AUTS2: variants seen among roughly 807,000 people sequenced by gnomAD.
AUTS2 encodes activator of transcription and developmental regulator AUTS2.
A neutral mutation model predicts 112.4 loss-of-function variants in AUTS2; 17 were observed. The ratio of observed to expected loss-of-function variants is 0.15; its 90% confidence interval spans 0.10 to 0.23. The LOEUF (loss-of-function observed/expected upper bound fraction) is 0.23. Ranked by LOEUF, AUTS2 falls within the 10% of genes least tolerant of loss-of-function variation. The pLI is 1.00. For missense variants in AUTS2, 1,510 were observed against 1,701.6 expected, an observed-to-expected ratio of 0.89 and a Z score of 1.98; for synonymous variants, 751 against 702.7, an observed-to-expected ratio of 1.07 and a Z score of -1.09.
intron 1 of AUTS2, among the ~76,000 whole-genome samples, chr7:69,603,997 A>C (rs1398376474): frequency 2.0e-5 from 3 of 152,116 alleles, no homozygotes; most frequent in Non-Finnish European, 4.4e-5. Context: ...TCTTTTGTGC[A>C]CTGGGTTCTT....
intron 5 of AUTS2, among the ~76,000 whole-genome samples, chr7:70,517,921 A>G (rs1013788170): frequency 6.6e-6 from 1 of 152,228 alleles, no homozygotes; most frequent in Non-Finnish European, 1.5e-5. Context: ...CAATCCAGAA[A>G]AATACATAAA....
intron 10 of AUTS2, chr7:70,771,341 C>CTGAT: frequency 2.5e-6 from 1 of 394,492 alleles, no homozygotes; most frequent in Non-Finnish European, 4.5e-6. Flanking sequence ...CATTTGCTGG[C>CTGAT]TGATTGATCC....
chr7:70,396,744 G>A (rs747615171), intron 4 of AUTS2, among the ~76,000 whole-genome samples: 4 of 152,112 alleles, frequency 2.6e-5, no homozygotes, highest in Non-Finnish European at 4.4e-5. Context: ...AGTAGTGTAT[G>A]GATATACCAT....
chr7:70,492,620 A>G (rs1798295073), intron 5 of AUTS2, among the ~76,000 whole-genome samples: 3 of 152,234 alleles, frequency 2.0e-5, no homozygotes, highest in African/African-American at 7.2e-5. Flanking sequence ...GCTCAAGGTC[A>G]TGCAGCTACC....
intron 5 of AUTS2, among the ~76,000 whole-genome samples, chr7:70,698,044 T>C (rs1487181815): frequency 6.6e-6 from 1 of 152,146 alleles, no homozygotes. Context: ...CCAAGGTCGT[T>C]TGGTTACTGC....
Position 69,693,626 on chromosome 7 carries a change from A to G in AUTS2, c.309+93664A>G, listed in dbSNP as rs185427718. On this transcript the variant is annotated intron_variant, in intron 1 of 18. Transcript: ENST00000342771. ...GGGATTTGTGTTTCATAGAACTGGTAGTATTGGAGGTAGAGGAGATACTGT... is the reference window on the plus strand; with the variant it reads ...GGGATTTGTGTTTCATAGAACTGGTGGTATTGGAGGTAGAGGAGATACTGT... Among the ~76,000 whole-genome samples the G allele has an allele frequency of 1.1e-3, 170 of 152,228 alleles. 1 individual carries two copies. Among genetic ancestry groups the G allele is most frequent in the African/African-American group, 3.9e-3 (161 of 41,538 alleles).
intron 6 of AUTS2, among the ~76,000 whole-genome samples, chr7:70,736,631 T>C (rs1787796366): frequency 6.6e-6 from 1 of 152,214 alleles, no homozygotes; most frequent in South Asian, 2.1e-4. Flanking sequence ...GAGGGATTTC[T>C]TCTGATAGAT....
chr7:69,859,391 A>G (rs1393481207), intron 1 of AUTS2, among the ~76,000 whole-genome samples: 1 of 152,228 alleles, frequency 6.6e-6, no homozygotes, highest in Non-Finnish European at 1.5e-5. Context: ...GTTTTGCAGG[A>G]TAATTTTCTT....
intron 2 of AUTS2, among the ~76,000 whole-genome samples, chr7:70,029,673 T>A (rs1800688364): frequency 6.6e-6 from 1 of 152,178 alleles, no homozygotes; most frequent in Non-Finnish European, 1.5e-5. Flanking sequence ...TACTCAAGTA[T>A]AGTAAGTATA....
rs913115185 is a variant in AUTS2, at chr7:70,579,411, TTTTTTC to T, written c.691-119155_691-119150del. 3.9e-4 allele frequency among the ~76,000 whole-genome samples: 59 copies of T among 152,058 alleles called. 1 individual carries two copies. The highest frequency in any genetic ancestry group is 1.4e-3 in the African/African-American group (59 of 41,412). ...ATGAACAGTTTGGCTCTTAAGGACT[TTTTTTC>T]TTGAGACAATGGGATTCTTTTTTCT... On this transcript the variant is annotated intron_variant, in intron 5 of 18. Coordinates refer to ENST00000342771, the MANE Select transcript of AUTS2 (RefSeq NM_015570.4).
chr7:69,929,203 C>A (rs1028626448), intron 2 of AUTS2, among the ~76,000 whole-genome samples: 8 of 151,956 alleles, frequency 5.3e-5, no homozygotes, highest in African/African-American at 1.9e-4. Context: ...CTACTGTTTT[C>A]TCTTAGTGTT....
At chr7:70,488,641 C>T (rs949542213) in intron 5 of AUTS2, among the ~76,000 whole-genome samples, 4 of 152,120 alleles carry the variant, frequency 2.6e-5, no homozygotes, top group African/African-American at 4.8e-5. Context: ...TCTCACTTTT[C>T]CTCATGGGCC....
chr7:69,600,034 C>T, intron 1 of AUTS2, 72 bp downstream of exon 1: 2 of 1,497,810 alleles, frequency 1.3e-6, no homozygotes, highest in Non-Finnish European at 9.2e-7. Context: ...GCTCTCCTGC[C>T]TCCCTCGCCG....
intron 1 of AUTS2, among the ~76,000 whole-genome samples, chr7:69,637,112 G>A (rs1794585634): frequency 6.6e-6 from 1 of 152,154 alleles, no homozygotes; most frequent in Non-Finnish European, 1.5e-5. Context: ...TTGTGTGGAT[G>A]TACCAAAACA....
At chr7:70,117,993 C>T in intron 2 of AUTS2, 139 bp from the exon 3 acceptor site, 1 of 1,087,480 alleles carries the variant, frequency 9.2e-7, no homozygotes, top group African/African-American at 1.6e-5. Context: ...CGTGATCCTC[C>T]TACCTCTGCC....
At chr7:70,695,786 A>G (rs1275267502) in intron 5 of AUTS2, among the ~76,000 whole-genome samples, 2 of 152,262 alleles carry the variant, frequency 1.3e-5, no homozygotes, top group Admixed American at 6.5e-5. Flanking sequence ...CAAAAAAACA[A>G]AAAAACATAT....
At chr7:70,369,744 G>A (rs1041463663) in intron 4 of AUTS2, among the ~76,000 whole-genome samples, 33 of 152,254 alleles carry the variant, frequency 2.2e-4, no homozygotes, top group African/African-American at 6.5e-4. Context: ...AGGTACACTT[G>A]GTCAGTTGGG....
At chr7:70,594,347 C>G (rs1439958368) in intron 5 of AUTS2, among the ~76,000 whole-genome samples, 33 of 152,106 alleles carry the variant, frequency 2.2e-4, no homozygotes, top group Admixed American at 2.2e-3. Context: ...GGGCCCCACC[C>G]CTAGAGTTTC....
At chr7:70,693,815 G>C (rs545183680) in intron 5 of AUTS2, among the ~76,000 whole-genome samples, 3 of 152,186 alleles carry the variant, frequency 2.0e-5, no homozygotes, top group Admixed American at 2.0e-4. Flanking sequence ...GGCGAGGAGC[G>C]GTGCAGTTTC....
Sources: allele counts gnomAD v4.1 joint callset (sites outside exome capture counted in the v4.1 genomes callset), GRCh38; gene constraint gnomAD v4.1.1; transcripts MANE v1.5; gene names NCBI Gene and HGNC (gene_info 2026-07-23, HGNC 2026-07-21).